EEF2K: variants seen among roughly 807,000 people sequenced by gnomAD.
EEF2K encodes eukaryotic elongation factor 2 kinase.
EEF2K carries 70 observed loss-of-function variants against 93.8 expected under a neutral mutation model. That is an observed-to-expected ratio of 0.75 (90% CI 0.62 to 0.91). EEF2K has a LOEUF of 0.91. EEF2K is among the 40% of genes least tolerant of loss of function. EEF2K has a pLI of 0.00. For synonymous variants in EEF2K, 376 were observed against 380.8 expected (o/e 0.99, Z 0.15); for missense variants, 935 against 972.9 (o/e 0.96, Z 0.52).
chr16:22,272,918 C>T (rs562733987), intron 15 of EEF2K, among the ~76,000 whole-genome samples: 2 of 152,236 alleles, frequency 1.3e-5, no homozygotes, highest in East Asian at 3.9e-4. Context: ...TCAGATGATC[C>T]ACCCGCCTTG....
chr16:22,230,993 C>G (rs2141655882), intron 2 of EEF2K, among the ~76,000 whole-genome samples: 1 of 151,826 alleles, frequency 6.6e-6, no homozygotes, highest in African/African-American at 2.4e-5. Flanking sequence ...CCATAAAGAG[C>G]CTTTGGCACA....
At chr16:22,275,178 A>G (rs1172948804) in intron 16 of EEF2K, among the ~76,000 whole-genome samples, 1 of 152,016 alleles carries the variant, frequency 6.6e-6, no homozygotes, top group East Asian at 1.9e-4. Context: ...GGCACTGAGT[A>G]TTTGCATCTG....
chr16:22,267,613 G>A (rs1360698205), intron 15 of EEF2K, among the ~76,000 whole-genome samples: 1 of 151,872 alleles, frequency 6.6e-6, no homozygotes, highest in South Asian at 2.1e-4. Flanking sequence ...AAAAAAATTG[G>A]GGGGGATATC....
chr16:22,244,097 C>T (rs977607058), intron 2 of EEF2K, among the ~76,000 whole-genome samples: 53 of 151,244 alleles, frequency 3.5e-4, no homozygotes, highest in African/African-American at 1.1e-3. Context: ...TGCGTGGTGG[C>T]GGGCGCCTAT....
chr16:22,264,820 C>T lies in EEF2K; in HGVS notation c.1380C>T (p.Gly460=), dbSNP rs368396226. 4.3e-5 allele frequency: 69 copies of T among 1,613,826 alleles called. No homozygotes were observed. Among genetic ancestry groups the T allele is most frequent in the Non-Finnish European group, 5.4e-5 (64 of 1,179,906 alleles). ...GTGTAATTTCTTCCTCCGTTCAGGG[C>T]CACTCATACAGTAATCGGAAGTACG... is the stretch of plus-strand genomic sequence containing the variant. The part of the protein sequence containing the change: ...ELDDPEPREH[G]HSYSNRKYES... Residue 460 remains glycine, a splice_region_variant and synonymous_variant, in exon 13 of 18, where the codon GGC becomes GGT. Coordinates refer to ENST00000263026, the MANE Select transcript of EEF2K (RefSeq NM_013302.5).
chr16:22,220,979 C>T (rs1240904208), intron 1 of EEF2K, among the ~76,000 whole-genome samples: 1 of 152,174 alleles, frequency 6.6e-6, no homozygotes, highest in Non-Finnish European at 1.5e-5. Flanking sequence ...AGAGGCCAGT[C>T]CAGGGCTCAG....
intron 2 of EEF2K, among the ~76,000 whole-genome samples, chr16:22,229,093 C>T (rs1244088261): frequency 4.0e-5 from 6 of 151,762 alleles, no homozygotes; most frequent in Admixed American, 3.3e-4. Flanking sequence ...GAGCCGAGAT[C>T]GCACCACTGC....
chr16:22,218,062 G>A (rs534796857), intron 1 of EEF2K, among the ~76,000 whole-genome samples: 7 of 152,286 alleles, frequency 4.6e-5, no homozygotes, highest in African/African-American at 1.7e-4. Flanking sequence ...AGTCACTCAA[G>A]CAAAAAGCCC....
chr16:22,211,922 C>T (rs959337877), intron 1 of EEF2K, among the ~76,000 whole-genome samples: 4 of 151,870 alleles, frequency 2.6e-5, no homozygotes, highest in African/African-American at 9.7e-5. Flanking sequence ...GACACACGGC[C>T]CCTTTTGTTC....
rs1296802193 is a variant in EEF2K at position 22,284,745 on chromosome 16, A to G, written c.*749A>G. 6.6e-6 allele frequency: 1 copy of G among 151,746 alleles called. No individual in the cohort carries two copies. Among genetic ancestry groups the G allele is most frequent in the Non-Finnish European group, 1.5e-5 (1 of 68,002 alleles). 9.4% of individuals were successfully genotyped at this position (151,746 alleles called of 1,614,324 possible). A position where few individuals can be genotyped will look rare whatever the true frequency, so the allele number is the denominator to read the frequency against. On this transcript the variant is annotated 3_prime_UTR_variant, in exon 18 of 18. Coordinates refer to ENST00000263026, the MANE Select transcript of EEF2K (RefSeq NM_013302.5). ...GGAGCCCTGTGTTTTGTGCATCGGGATGAGAAATGAAGCACTTCACGCTGG... is the reference window on the plus strand; with the variant it reads ...GGAGCCCTGTGTTTTGTGCATCGGGGTGAGAAATGAAGCACTTCACGCTGG...
At chr16:22,273,969 A>G (rs939112209) in intron 16 of EEF2K, among the ~76,000 whole-genome samples, 2 of 152,222 alleles carry the variant, frequency 1.3e-5, no homozygotes, top group African/African-American at 4.8e-5. Flanking sequence ...CATGAAGGGT[A>G]AACGAGATGC....
intron 3 of EEF2K, among the ~76,000 whole-genome samples, chr16:22,245,127 G>A (rs1438366073): frequency 6.6e-6 from 1 of 152,076 alleles, no homozygotes; most frequent in Non-Finnish European, 1.5e-5. Context: ...CCATAGCCAA[G>A]CGTGGTGGCT....
rs1185082275 is a variant in EEF2K at position 22,206,574 on chromosome 16, G to A, written c.-182G>A. The A allele has an allele frequency of 2.0e-5, 3 of 152,002 alleles. No individual in the cohort carries two copies. Among genetic ancestry groups the A allele is most frequent in the East Asian group, 3.9e-4 (2 of 5,114 alleles). The allele number at this position is 152,002 out of a possible 1,614,324, so 9.4% of individuals were successfully genotyped here. Reference sequence around the variant, plus strand: ...CTCCGCTCCCCGGCACTCTCGGGGGGCCCGCCCGCCCTGCACCCTGGAGCT... The same window carrying A: ...CTCCGCTCCCCGGCACTCTCGGGGGACCCGCCCGCCCTGCACCCTGGAGCT... On this transcript the variant is annotated 5_prime_UTR_variant, in exon 1 of 18. Transcript: ENST00000263026.
intron 2 of EEF2K, among the ~76,000 whole-genome samples, chr16:22,228,621 G>T (rs1298215052): frequency 1.3e-5 from 2 of 152,352 alleles, no homozygotes; most frequent in African/African-American, 4.8e-5. Flanking sequence ...CAGAAAGCAG[G>T]CTTGCTTATA....
Position 22,285,068 on chromosome 16 carries a change from A to C in EEF2K, c.*1072A>C, listed in dbSNP as rs1168484133. On this transcript the variant is annotated 3_prime_UTR_variant, in exon 18 of 18. Coordinates refer to ENST00000263026, the MANE Select transcript of EEF2K (RefSeq NM_013302.5). The stretch of plus-strand genomic sequence containing the variant: ...TTGTATGCACACGTTTACTACCTCT[A>C]ACTCCTACATCAGCTAGTGTGGAAG... The C allele has an allele frequency of 6.6e-6, 1 of 152,524 alleles. No homozygotes were observed. Among genetic ancestry groups the C allele is most frequent in the African/African-American group, 2.4e-5 (1 of 41,416 alleles). 9.4% of individuals were successfully genotyped at this position (152,524 alleles called of 1,614,324 possible).
chr16:22,238,761 T>C (rs909394642), intron 2 of EEF2K, among the ~76,000 whole-genome samples: 13 of 150,450 alleles, frequency 8.6e-5, no homozygotes, highest in African/African-American at 2.9e-4. Flanking sequence ...CAGAAGTCGG[T>C]GCAGAAGAAG....
chr16:22,264,924 T>G lies in EEF2K; in HGVS notation c.1440+44T>G, dbSNP rs1176218145. ...CCCTTGTCTCTGCCTCTTCCCTGTC[T>G]CCTCCAGGCTCTGTTGCTGTTTCTC... On this transcript the variant is annotated intron_variant, in intron 13 of 17. Transcript: ENST00000263026. 3.1e-6 allele frequency: 5 copies of G among 1,605,402 alleles called. No individual in the cohort carries two copies. The African/African-American group carries it at 5.4e-5, about 17-fold the overall frequency.
chr16:22,223,458 T>C (rs1282017006), intron 1 of EEF2K, among the ~76,000 whole-genome samples: 1 of 152,120 alleles, frequency 6.6e-6, no homozygotes, highest in East Asian at 1.9e-4. Context: ...TTTATATTTT[T>C]AGTAGAGACA....
At position 22,287,117 on chromosome 16, in the gene EEF2K, T is replaced by G. The variant is rs889773683; in HGVS notation, c.*3121T>G. On this transcript the variant is annotated 3_prime_UTR_variant, in exon 18 of 18. Coordinates refer to ENST00000263026, the MANE Select transcript of EEF2K (RefSeq NM_013302.5). ...GCTGGGTGCAGTGGCTCACGCCACT[T>G]TGGGAGGCTGAGGTGGGCGGATCAC... The G allele has an allele frequency of 6.6e-6, 1 of 152,212 alleles. No individual in the cohort carries two copies. The highest frequency in any genetic ancestry group is 2.4e-5 in the African/African-American group (1 of 41,414). The allele number at this position is 152,212 out of a possible 1,614,324, so 9.4% of individuals were successfully genotyped here.
Sources: allele counts gnomAD v4.1 joint callset (sites outside exome capture counted in the v4.1 genomes callset), GRCh38; gene constraint gnomAD v4.1.1; transcripts MANE v1.5; gene names NCBI Gene and HGNC (gene_info 2026-07-23, HGNC 2026-07-21).